Variants in ATP10B observed in about 807,000 individuals in gnomAD.
ATP10B encodes the protein phospholipid-transporting ATPase VB.
A neutral mutation model predicts 141.2 loss-of-function variants in ATP10B; 122 were observed. The observed-to-expected ratio is 0.86, with a 90% CI of 0.75 to 1.00. The LOEUF is 1.00. ATP10B is among the 50% of genes least tolerant of loss of function. The pLI, the probability that ATP10B is intolerant of heterozygous loss-of-function variation, is 0.00. For synonymous variants in ATP10B, 685 were observed against 692.0 expected, an observed-to-expected ratio of 0.99 and a Z score of 0.16; for missense variants, 1,876 against 1,825.3, an observed-to-expected ratio of 1.03 and a Z score of -0.51.
intron 6 of ATP10B, among the ~76,000 whole-genome samples, chr5:160,679,371 G>C (rs758876154): frequency 6.6e-6 from 1 of 152,120 alleles, no homozygotes; most frequent in Non-Finnish European, 1.5e-5. Flanking sequence ...TCATTTCTTG[G>C]TCCTGGTCTT....
rs747939866 is a variant in ATP10B at position 160,617,851 on chromosome 5, G to T, written c.2526+13C>A. 4.4e-6 allele frequency: 7 copies of T among 1,604,816 alleles called. No individual in the cohort carries two copies. The highest frequency in any genetic ancestry group is 5.1e-6 in the Non-Finnish European group (6 of 1,171,562). The stretch of plus-strand genomic sequence containing the variant: ...AATGATATTCAAAGCACGCTTGGAG[G>T]AATTGTTCTTACCTTCTTGGCAATG... On this transcript the variant is annotated intron_variant, in intron 16 of 25. Transcript: ENST00000327245.
chr5:160,869,994 A>G, the ATP10B span, among the ~76,000 whole-genome samples: 2 of 152,170 alleles, frequency 1.3e-5, no homozygotes, highest in Admixed American at 6.5e-5. Flanking sequence ...TGTTCTTTTT[A>G]ACAAGGCCTG....
the ATP10B span, among the ~76,000 whole-genome samples, chr5:160,911,520 C>T: frequency 6.6e-6 from 1 of 152,312 alleles, no homozygotes; most frequent in Non-Finnish European, 1.5e-5. Context: ...AGATGCCTCT[C>T]AAGGTCATTT....
chr5:160,707,971 C>T (rs759519397), intron 3 of ATP10B, among the ~76,000 whole-genome samples: 9 of 152,178 alleles, frequency 5.9e-5, no homozygotes, highest in Non-Finnish European at 8.8e-5. Flanking sequence ...TTGCACATGC[C>T]TCCAGGAAAT....
chr5:160,719,905 C>A (rs1308206059), intron 2 of ATP10B, among the ~76,000 whole-genome samples: 1 of 152,172 alleles, frequency 6.6e-6, no homozygotes, highest in East Asian at 1.9e-4. Flanking sequence ...GTCTCTCAGG[C>A]CTATGATTCT....
chr5:160,616,199 A>G (rs144586132), intron 16 of ATP10B, among the ~76,000 whole-genome samples: 2,339 of 152,318 alleles, frequency 0.015, 27 homozygotes, highest in Middle Eastern at 0.075. Flanking sequence ...ATCTGGACAG[A>G]CAAGGTCCCT....
the ATP10B span, among the ~76,000 whole-genome samples, chr5:160,874,376 T>C: frequency 5.3e-5 from 8 of 152,138 alleles, no homozygotes; most frequent in African/African-American, 1.4e-4. Context: ...CACCAAAAAC[T>C]CATCTGTACA....
chr5:160,729,951 C>T (rs1013710325), intron 2 of ATP10B, among the ~76,000 whole-genome samples: 1 of 152,140 alleles, frequency 6.6e-6, no homozygotes, highest in African/African-American at 2.4e-5. Context: ...TGAAGCTATA[C>T]TTGCTTCATT....
intron 1 of ATP10B, among the ~76,000 whole-genome samples, chr5:160,824,147 G>A (rs141197234): frequency 0.039 from 5,846 of 151,736 alleles, 130 homozygotes; most frequent in South Asian, 0.088. Context: ...TCAGCCTCCC[G>A]AGCAGCTGGG....
chr5:160,568,532 T>C (rs1754689631), intron 25 of ATP10B, among the ~76,000 whole-genome samples: 1 of 152,156 alleles, frequency 6.6e-6, no homozygotes, highest in African/African-American at 2.4e-5. Context: ...AGGCTAAGTC[T>C]TTCCTATGGG....
intron 19 of ATP10B, among the ~76,000 whole-genome samples, chr5:160,605,586 C>T (rs1453170268): frequency 1.3e-5 from 2 of 152,188 alleles, no homozygotes; most frequent in Non-Finnish European, 2.9e-5. Context: ...GATGTCGTTG[C>T]TAAATTTGTT....
chr5:160,578,277 A>G (rs1349118012), intron 24 of ATP10B, among the ~76,000 whole-genome samples: 1 of 152,146 alleles, frequency 6.6e-6, no homozygotes, highest in East Asian at 1.9e-4. Context: ...TACACGTGCC[A>G]TGGTGGTTTG....
intron 2 of ATP10B, among the ~76,000 whole-genome samples, chr5:160,784,098 A>C (rs1017227003): frequency 1.3e-5 from 2 of 151,516 alleles, no homozygotes; most frequent in Admixed American, 6.6e-5. Context: ...TGGATCTTTG[A>C]GGCAGATCAA....
At chr5:160,685,379 A>G in intron 6 of ATP10B, 1 of 556,654 alleles carries the variant, frequency 1.8e-6, no homozygotes, top group Non-Finnish European at 3.1e-6. Flanking sequence ...AAGAGCCTGC[A>G]GAGAACAGGT....
At chr5:160,920,840 G>A in the ATP10B span, among the ~76,000 whole-genome samples, 6 of 152,292 alleles carry the variant, frequency 3.9e-5, no homozygotes, top group South Asian at 6.2e-4. Flanking sequence ...TCCAGGTGAC[G>A]TCAATGCTGG....
chr5:160,703,967 G>A (rs752667244), intron 3 of ATP10B, among the ~76,000 whole-genome samples: 1 of 152,168 alleles, frequency 6.6e-6, no homozygotes, highest in South Asian at 2.1e-4. Flanking sequence ...CAGGGGCAGT[G>A]TTAAGGAGTA....
At chr5:160,882,249 G>A in the ATP10B span, among the ~76,000 whole-genome samples, 2 of 152,072 alleles carry the variant, frequency 1.3e-5, no homozygotes, top group African/African-American at 2.4e-5. Context: ...AATGTAAAAC[G>A]TAGAGTTGGG....
chr5:160,777,470 T>C (rs1455745845), intron 2 of ATP10B, among the ~76,000 whole-genome samples: 1 of 152,196 alleles, frequency 6.6e-6, no homozygotes, highest in African/African-American at 2.4e-5. Context: ...GATGGAGCAT[T>C]AATTTCTCTA....
the ATP10B span, among the ~76,000 whole-genome samples, chr5:160,859,645 C>T: frequency 6.6e-6 from 1 of 151,888 alleles, no homozygotes; most frequent in African/African-American, 2.4e-5. Flanking sequence ...AAACAGAAAG[C>T]AAAAAGCTCA....
Sources: gnomAD v4.1 joint callset for allele counts (sites outside exome capture counted in the v4.1 genomes callset) on GRCh38, gnomAD v4.1.1 for gene constraint, MANE v1.5 for transcripts, NCBI Gene and HGNC (gene_info 2026-07-23, HGNC 2026-07-21) for gene names.